Variants in ST3GAL4 observed in about 807,000 individuals in gnomAD.
ST3GAL4 encodes ST3 beta-galactoside alpha-2,3-sialyltransferase 4.
ST3GAL4 carries 24 observed loss-of-function variants against 42.6 expected under a neutral mutation model. The ratio of observed to expected loss-of-function variants is 0.56; its 90% CI spans 0.41 to 0.79. ST3GAL4 has a LOEUF of 0.79. ST3GAL4 is among the 30% of genes least tolerant of loss of function. The pLI is 0.00. For missense variants in ST3GAL4, 311 were observed against 430.8 expected, an observed-to-expected ratio of 0.72 and a Z score of 2.46; for synonymous variants, 135 against 163.2, an observed-to-expected ratio of 0.83 and a Z score of 1.32.
intron 1 of ST3GAL4, among the ~76,000 whole-genome samples, chr11:126,401,587 A>G (rs531666150): frequency 7.8e-4 from 117 of 150,546 alleles, no homozygotes; most frequent in Admixed American, 1.9e-3. Flanking sequence ...AGAAAAAAAA[A>G]AAGGTGGGCC....
chr11:126,400,666 T>C lies in ST3GAL4; in HGVS notation c.-60-5430T>C, dbSNP rs1050929483. Among the ~76,000 whole-genome samples, 3 of 152,156 alleles carry C rather than the reference T, an allele frequency of 2.0e-5. No individual in the cohort carries two copies. The highest frequency in any genetic ancestry group is 7.2e-5 in the African/African-American group (3 of 41,434). On this transcript the variant is annotated intron_variant, in intron 1 of 10. Coordinates refer to ENST00000444328, the MANE Select transcript of ST3GAL4 (RefSeq NM_001254757.2). The surrounding 1 kb of genome is among the most constrained non-coding windows in gnomAD (Gnocchi z 4.6). ...GGGTGATTTGATCCATATCATTTCTTAGAAGGATACCATGTTGGCAGTTTC... is the reference window on the plus strand; with the variant it reads ...GGGTGATTTGATCCATATCATTTCTCAGAAGGATACCATGTTGGCAGTTTC...
chr11:126,358,444 C>T (rs764134691), intron 1 of ST3GAL4: 49 of 455,088 alleles, frequency 1.1e-4, no homozygotes, highest in South Asian at 7.2e-4. Flanking sequence ...CTGAGTGGCC[C>T]TGGATGGACT....
intron 1 of ST3GAL4, among the ~76,000 whole-genome samples, chr11:126,394,119 A>G (rs1284636841): frequency 6.6e-6 from 1 of 152,238 alleles, no homozygotes; most frequent in East Asian, 1.9e-4. Flanking sequence ...CAGGGGAGGC[A>G]GGGCACTGGC....
chr11:126,399,901 T>C (rs1324248661), intron 1 of ST3GAL4, among the ~76,000 whole-genome samples: 4 of 152,198 alleles, frequency 2.6e-5, no homozygotes, highest in African/African-American at 7.2e-5. Flanking sequence ...ACGATCGATA[T>C]TTCTACCACC....
chr11:126,369,009 C>A (rs1489310477), intron 1 of ST3GAL4, among the ~76,000 whole-genome samples: 1 of 152,154 alleles, frequency 6.6e-6, no homozygotes, highest in Non-Finnish European at 1.5e-5. Flanking sequence ...TCACTTGCCA[C>A]CCTGGCCAGG....
At position 126,406,190 on chromosome 11, in the gene ST3GAL4, C is replaced by T. The variant is rs201136801; in HGVS notation, c.16+19C>T. ...AAGTCCCGTGAGTGTCATCCGAGGGCTCCCCCACCCTGGAGGACAGGCCTC... is the reference window on the plus strand; with the variant it reads ...AAGTCCCGTGAGTGTCATCCGAGGGTTCCCCCACCCTGGAGGACAGGCCTC... On this transcript the variant is annotated intron_variant, in intron 2 of 10. Transcript: ENST00000444328. The surrounding 1 kb of genome is among the most constrained non-coding windows in gnomAD (Gnocchi z 5.4). 7 of 1,556,926 alleles carry T rather than the reference C, an allele frequency of 4.5e-6. No individual in the cohort carries two copies. In the East Asian group the frequency reaches 1.7e-4, roughly 38 times the overall value.
At chr11:126,370,801 C>T (rs189360339) in intron 1 of ST3GAL4, among the ~76,000 whole-genome samples, 24 of 151,644 alleles carry the variant, frequency 1.6e-4, no homozygotes, top group Non-Finnish European at 8.8e-5. Context: ...CTCAGCCTCC[C>T]GATTTGCTGG....
Position 126,403,403 on chromosome 11 carries a change from C to T in ST3GAL4, c.-60-2693C>T, listed in dbSNP as rs112161541. 1.5e-5 allele frequency: 15 copies of T among 985,458 alleles called. 2 individuals are homozygous for T. The African/African-American group carries it at 1.9e-4, about 13-fold the overall frequency. 61.0% of individuals were successfully genotyped at this position (985,458 alleles called of 1,614,324 possible). A position where few individuals can be genotyped will look rare whatever the true frequency, so the allele number is the denominator to read the frequency against. The stretch of plus-strand genomic sequence containing the variant: ...CCCTGGAAGGCAGCCCTGGAGGATA[C>T]CTGTGTATCTGTCTTTCACAAAAGG... On this transcript the variant is annotated intron_variant, in intron 1 of 10. Transcript: ENST00000444328.
rs1046408477 is a variant in ST3GAL4 at position 126,400,310 on chromosome 11, A to G, written c.-60-5786A>G. Among the ~76,000 whole-genome samples, 3 of 152,200 alleles carry G rather than the reference A, an allele frequency of 2.0e-5. No homozygotes were observed. The highest frequency in any genetic ancestry group is 7.2e-5 in the African/African-American group (3 of 41,448). On this transcript the variant is annotated intron_variant, in intron 1 of 10. Coordinates refer to ENST00000444328, the MANE Select transcript of ST3GAL4 (RefSeq NM_001254757.2). This position sits in a 1 kb window ranked among gnomAD's most constrained non-coding sequence, Gnocchi z 4.6. ...GGACCTAACTGGCCTTTTATAAGGAACCCAGTTCCACAGTAATGGCATTAA... is the reference window on the plus strand; with the variant it reads ...GGACCTAACTGGCCTTTTATAAGGAGCCCAGTTCCACAGTAATGGCATTAA...
At chr11:126,381,400 G>C (rs1484601650) in intron 1 of ST3GAL4, among the ~76,000 whole-genome samples, 2 of 151,966 alleles carry the variant, frequency 1.3e-5, no homozygotes, top group Admixed American at 1.3e-4. Flanking sequence ...AGCTCCCTCT[G>C]TGTGTTCCCA....
rs1952919949 is a variant in ST3GAL4, at chr11:126,379,335, A to G, written c.-61+23493A>G. The stretch of plus-strand genomic sequence containing the variant: ...AAAAGTGTGAACCTTTTGTGCTAAA[A>G]CAAAACAAAAACAAGTCTGAGTCAA... On this transcript the variant is annotated intron_variant, in intron 1 of 10. Transcript: ENST00000444328. The surrounding 1 kb of genome is among the most constrained non-coding windows in gnomAD (Gnocchi z 4.2). Among the ~76,000 whole-genome samples, 2 of 152,220 alleles carry G rather than the reference A, an allele frequency of 1.3e-5. No homozygotes were observed. The highest frequency in any genetic ancestry group is 2.1e-4 in the South Asian group (1 of 4,834).
In ST3GAL4 at chr11:126,396,674, C is replaced by G. The variant is rs1437284132; in HGVS notation, c.-60-9422C>G. Among the ~76,000 whole-genome samples the G allele has an allele frequency of 1.3e-5, 2 of 151,210 alleles. No homozygotes were observed. The highest frequency in any genetic ancestry group is 2.9e-5 in the Non-Finnish European group (2 of 67,918). On this transcript the variant is annotated intron_variant, in intron 1 of 10. Transcript: ENST00000444328. The surrounding 1 kb of genome is among the most constrained non-coding windows in gnomAD (Gnocchi z 5.8). ...GGGCAGGGGTGGACATCCCGGGGAT[C>G]GTGGAGTCTAGGGAGCCAGTCTGCA...
At chr11:126,395,946 A>T (rs12576289) in intron 1 of ST3GAL4, among the ~76,000 whole-genome samples, 1 of 152,038 alleles carries the variant, frequency 6.6e-6, no homozygotes, top group African/African-American at 2.4e-5. Context: ...GTCTCTGTGC[A>T]TCAGAGCAAG....
Position 126,408,435 on chromosome 11 carries a change from T to TG in ST3GAL4, c.568dup (p.Val190GlyfsTer12). 2 of 1,614,218 alleles carry TG rather than the reference T, an allele frequency of 1.2e-6. No individual in the cohort carries two copies. Among genetic ancestry groups the TG allele is most frequent in the Non-Finnish European group, 1.7e-6 (2 of 1,180,040 alleles). ...AACAACCCAGACACACTCCTCGTCC[T>TG]GGTAGCTTTCAAGGCAATGGACTTC... On this transcript the variant is annotated frameshift_variant, in exon 8 of 11. Transcript: ENST00000444328. LOFTEE classifies it high-confidence loss of function.
chr11:126,359,275 T>A lies in ST3GAL4; in HGVS notation c.-61+3433T>A, dbSNP rs1268031572. Among the ~76,000 whole-genome samples, 2 of 151,612 alleles carry A rather than the reference T, an allele frequency of 1.3e-5. No homozygotes were observed. Among genetic ancestry groups the A allele is most frequent in the African/African-American group, 4.9e-5 (2 of 41,192 alleles). ...TACCATTTAGCAATCAGGCACTTAT[T>A]AAAAGCCTGGCCCAATAAACTTAAA... On this transcript the variant is annotated intron_variant, in intron 1 of 10. Coordinates refer to ENST00000444328, the MANE Select transcript of ST3GAL4 (RefSeq NM_001254757.2). This position sits in a 1 kb window ranked among gnomAD's most constrained non-coding sequence, Gnocchi z 4.8.
chr11:126,406,829 AT>A lies in ST3GAL4; in HGVS notation c.102-112del, dbSNP rs1258041692. ...TCCAAGTGGAACTTAACTTGAGATG[AT>A]TCCTCCCCGGCACCTTGGGACCTTC... is the stretch of plus-strand genomic sequence containing the variant. On this transcript the variant is annotated intron_variant, in intron 3 of 10. Transcript: ENST00000444328. This position sits in a 1 kb window ranked among gnomAD's most constrained non-coding sequence, Gnocchi z 5.4. 195 of 1,065,320 alleles carry A rather than the reference AT, an allele frequency of 1.8e-4. 1 individual carries two copies. In the South Asian group the frequency reaches 2.7e-3, roughly 15 times the overall value. 66.0% of individuals were successfully genotyped at this position (1,065,320 alleles called of 1,614,324 possible).
At position 126,367,126 on chromosome 11, in the gene ST3GAL4, C is replaced by T. The variant is rs112694121; in HGVS notation, c.-61+11284C>T. Among the ~76,000 whole-genome samples, 278 of 152,222 alleles carry T rather than the reference C, an allele frequency of 1.8e-3. 4 individuals carry two copies. The highest frequency in any genetic ancestry group is 5.4e-3 in the African/African-American group (224 of 41,518). ...TGGTGTCTGGTCAGGCTGAGGGATC[C>T]GTGTGCCAGCCCTTCTGGGAAGGCT... On this transcript the variant is annotated intron_variant, in intron 1 of 10. Coordinates refer to ENST00000444328, the MANE Select transcript of ST3GAL4 (RefSeq NM_001254757.2).
At chr11:126,371,673 C>A (rs1377298103) in intron 1 of ST3GAL4, among the ~76,000 whole-genome samples, 1 of 152,228 alleles carries the variant, frequency 6.6e-6, no homozygotes, top group Non-Finnish European at 1.5e-5. Flanking sequence ...GCTTATGTAG[C>A]CATCCCTCTC....
At chr11:126,387,963 G>T (rs1320553562) in intron 1 of ST3GAL4, among the ~76,000 whole-genome samples, 1 of 152,234 alleles carries the variant, frequency 6.6e-6, no homozygotes, top group Admixed American at 6.5e-5. Context: ...GCATAGGTTT[G>T]CAGCCTCTTT....
Sources: gnomAD v4.1 joint callset for allele counts (sites outside exome capture counted in the v4.1 genomes callset) on GRCh38, gnomAD v4.1.1 for gene constraint, Gnocchi (gnomAD v3.1) non-coding constraint, MANE v1.5 for transcripts, NCBI Gene and HGNC (gene_info 2026-07-23, HGNC 2026-07-21) for gene names.